JMJD7: variants seen among roughly 807,000 people sequenced by gnomAD.
JMJD7 encodes the protein bifunctional peptidase and (3S)-lysyl hydroxylase JMJD7.
JMJD7 carries 41 observed loss-of-function variants against 41.1 expected under a neutral mutation model. The ratio of observed to expected loss-of-function variants is 1.00; its 90% CI spans 0.78 to 1.30. The LOEUF (loss-of-function observed/expected upper bound fraction) is 1.30, where lower values mean the gene tolerates loss of function less well. Among genes scored for constraint, JMJD7 ranks in the 50% most tolerant of loss-of-function variants. JMJD7 has a pLI of 0.00. For missense variants in JMJD7, 480 were observed against 420.7 expected (o/e 1.14, Z -1.23); for synonymous variants, 202 against 177.2 (o/e 1.14, Z -1.11).
chr15:41,829,239 GTT>G (rs1359705656), intron 1 of JMJD7: 1 of 152,170 alleles, frequency 6.6e-6, no homozygotes, highest in Non-Finnish European at 1.5e-5. Context: ...TGCCTGATGT[GTT>G]TAGGAAACAG....
In JMJD7 at chr15:41,836,460, T is replaced by TC. The variant is rs1333728808; in HGVS notation, c.626-12dup. On this transcript the variant is annotated splice_polypyrimidine_tract_variant and intron_variant, in intron 5 of 7. Coordinates refer to ENST00000397299, the MANE Select transcript of JMJD7 (RefSeq NM_001114632.2). Reference sequence around the variant, plus strand: ...TGTTTGCAATTCCCCCACACCCTTCTCCCTTGGGCTCCAGAGCTGTACACG... The same window carrying TC: ...TGTTTGCAATTCCCCCACACCCTTCTCCCCTTGGGCTCCAGAGCTGTACACG... 1 of 1,570,916 alleles carries TC rather than the reference T, an allele frequency of 6.4e-7. No homozygotes were observed. The highest frequency in any genetic ancestry group is 2.3e-5 in the East Asian group (1 of 43,198).
chr15:41,833,629 A>G (rs1384323988), intron 1 of JMJD7, among the ~76,000 whole-genome samples: 1 of 151,426 alleles, frequency 6.6e-6, no homozygotes, highest in Non-Finnish European at 1.5e-5. Flanking sequence ...CTACGTTGCC[A>G]AGGCTGGTCT....
Position 41,834,853 on chromosome 15 carries a change from C to T in JMJD7, c.178C>T (p.His60Tyr), listed in dbSNP as rs775624945. Reference sequence around the variant, plus strand: ...GTGCATTATCCGCAACGCTCTGCAGCACTGGCCGGCCCTCCAGAAGTGGTC... The same window carrying T: ...GTGCATTATCCGCAACGCTCTGCAGTACTGGCCGGCCCTCCAGAAGTGGTC... ...RPCIIRNALQ[H>Y]WPALQKWSLP... The change falls in exon 2 of 8, where the codon CAC becomes TAC. Residue 60 changes from histidine (H) to tyrosine (Y), a missense_variant. His to Tyr is a moderately conservative substitution (Grantham distance 83). Transcript: ENST00000397299. 1.2e-6 allele frequency: 2 copies of T among 1,614,240 alleles called. No individual in the cohort carries two copies. The highest frequency in any genetic ancestry group is 3.3e-5 in the Admixed American group (2 of 60,034).
In JMJD7 at chr15:41,828,504, C is replaced by G. The variant is rs528627011; in HGVS notation, c.64+316C>G. On this transcript the variant is annotated intron_variant, in intron 1 of 7. Coordinates refer to ENST00000397299, the MANE Select transcript of JMJD7 (RefSeq NM_001114632.2). ...TCATCGAAGGCACACAGCTGGTGGTCGGATTCCTCCCCCACGCGCCCCACC... is the reference window on the plus strand; with the variant it reads ...TCATCGAAGGCACACAGCTGGTGGTGGGATTCCTCCCCCACGCGCCCCACC... 270 of 283,626 alleles carry G rather than the reference C, an allele frequency of 9.5e-4. 2 individuals are homozygous for G. Among genetic ancestry groups the G allele is most frequent in the African/African-American group, 4.6e-3 (213 of 45,912 alleles). 17.6% of individuals were successfully genotyped at this position (283,626 alleles called of 1,614,324 possible).
Position 41,837,560 on chromosome 15 carries a change from G to T in JMJD7, c.*404G>T. ...AGCATGGAGCTGGCACACAGGACAT[G>T]TTGAATAAAAGGTAGCTGTGAGTCG... On this transcript the variant is annotated 3_prime_UTR_variant, in exon 8 of 8. Coordinates refer to ENST00000397299, the MANE Select transcript of JMJD7 (RefSeq NM_001114632.2). The T allele has an allele frequency of 1.1e-5, 2 of 188,516 alleles. No homozygotes were observed. The highest frequency in any genetic ancestry group is 2.2e-5 in the Non-Finnish European group (2 of 92,784). The allele number at this position is 188,516 out of a possible 1,614,324, so 11.7% of individuals were successfully genotyped here.
intron 1 of JMJD7, among the ~76,000 whole-genome samples, chr15:41,829,860 G>C (rs914002445): frequency 2.0e-5 from 3 of 152,248 alleles, no homozygotes; most frequent in Non-Finnish European, 4.4e-5. Context: ...CTTGAGGCCA[G>C]GAGTTCAAGA....
intron 3 of JMJD7, 128 bp from the exon 4 acceptor site, chr15:41,835,460 T>C (rs915556220): frequency 2.3e-5 from 33 of 1,415,860 alleles, no homozygotes; most frequent in Non-Finnish European, 3.1e-5. Flanking sequence ...TCCCAACCTC[T>C]GCCTCTTCTC....
At position 41,835,040 on chromosome 15, in the gene JMJD7, G is replaced by A; in HGVS notation, c.289G>A (p.Asp97Asn). The part of the protein sequence containing the change: ...PDGYADAVRG[D>N]RFMMPAERRL... ...TGGTTACGCGGATGCCGTGAGAGGG[G>A]ATCGCTTCATGATGCCAGCTGAGCG... Residue 97 changes from aspartate (D) to asparagine (N), a missense_variant, in exon 3 of 8, where the codon GAT (aspartate) becomes AAT (asparagine). Transcript: ENST00000397299. The A allele has an allele frequency of 6.2e-7, 1 of 1,614,004 alleles. No homozygotes were observed.
At chr15:41,830,258 T>C (rs1212152657) in intron 1 of JMJD7, among the ~76,000 whole-genome samples, 1 of 152,204 alleles carries the variant, frequency 6.6e-6, no homozygotes, top group Non-Finnish European at 1.5e-5. Flanking sequence ...GGACTTGCAC[T>C]TGTGAGTACA....
intron 3 of JMJD7, 127 bp downstream of exon 3, chr15:41,835,350 A>T (rs1032669808): frequency 2.8e-5 from 39 of 1,388,928 alleles, no homozygotes; most frequent in Non-Finnish European, 3.4e-5. Flanking sequence ...GGTGCAGCTC[A>T]CTAAATACAT....
intron 4 of JMJD7, 132 bp downstream of exon 4, chr15:41,835,776 G>T: frequency 8.7e-7 from 1 of 1,154,648 alleles, no homozygotes. Context: ...TGGCTTCTAG[G>T]ACTCGGGCAC....
chr15:41,836,279 C>T (rs772302204), intron 5 of JMJD7, 36 bp downstream of exon 5: 4 of 1,610,552 alleles, frequency 2.5e-6, no homozygotes, highest in Non-Finnish European at 3.4e-6. Flanking sequence ...GGCTGGGGAA[C>T]AGCTGGCCCA....
intron 1 of JMJD7, among the ~76,000 whole-genome samples, chr15:41,832,208 C>G (rs986782671): frequency 1.3e-5 from 2 of 152,232 alleles, no homozygotes; most frequent in African/African-American, 4.8e-5. Flanking sequence ...TTCGCTCACA[C>G]ACCCCTCGCT....
In JMJD7 at chr15:41,837,263, C is replaced by A; in HGVS notation, c.*107C>A. ...CTGGAGTGTGCATGCTGGCTGCTGG[C>A]CCCGGGTCCAGCATGGCTTGAGATC... On this transcript the variant is annotated 3_prime_UTR_variant, in exon 8 of 8. Coordinates refer to ENST00000397299, the MANE Select transcript of JMJD7 (RefSeq NM_001114632.2). 1 of 733,330 alleles carries A rather than the reference C, an allele frequency of 1.4e-6. No individual in the cohort carries two copies. The highest frequency in any genetic ancestry group is 2.3e-6 in the Non-Finnish European group (1 of 435,004). 45.4% of individuals were successfully genotyped at this position (733,330 alleles called of 1,614,324 possible). A position where few individuals can be genotyped will look rare whatever the true frequency, so the allele number is the denominator to read the frequency against.
chr15:41,835,846 G>A (rs920071752), intron 4 of JMJD7, among the ~76,000 whole-genome samples: 2 of 152,174 alleles, frequency 1.3e-5, no homozygotes, highest in African/African-American at 4.8e-5. Context: ...TTGGGGGCGG[G>A]TGCATTGTTT....
intron 1 of JMJD7, among the ~76,000 whole-genome samples, chr15:41,832,830 A>G (rs1416414721): frequency 6.6e-6 from 1 of 152,232 alleles, no homozygotes; most frequent in Non-Finnish European, 1.5e-5. Context: ...GTAACCACCA[A>G]ATGGGAACCA....
chr15:41,835,718 G>A (rs544037724), intron 4 of JMJD7, 74 bp downstream of exon 4: 267 of 1,541,494 alleles, frequency 1.7e-4, no homozygotes, highest in Non-Finnish European at 2.3e-4. Flanking sequence ...GGCCAGGAGT[G>A]GAGGGATGGC....
Position 41,836,485 on chromosome 15 carries a change from G to A in JMJD7, c.636G>A (p.Thr212=), listed in dbSNP as rs768253262. Residue 212 remains threonine, a synonymous_variant, in exon 6 of 8, where the codon ACG becomes ACA. Coordinates refer to ENST00000397299, the MANE Select transcript of JMJD7 (RefSeq NM_001114632.2). ...DRPFIPYELY[T]PATYQLTEEG... is the part of the protein sequence containing the mutation. Reference sequence around the variant, plus strand: ...TCCCTTGGGCTCCAGAGCTGTACACGCCGGCAACCTACCAGCTAACTGAAG... The same window carrying A: ...TCCCTTGGGCTCCAGAGCTGTACACACCGGCAACCTACCAGCTAACTGAAG... 12 of 1,586,470 alleles carry A rather than the reference G, an allele frequency of 7.6e-6. No homozygotes were observed. Among genetic ancestry groups the A allele is most frequent in the East Asian group, 6.8e-5 (3 of 44,070 alleles).
rs2065336064 is a variant in JMJD7, at chr15:41,837,173, A to G, written c.*17A>G. 5.1e-6 allele frequency: 8 copies of G among 1,576,250 alleles called. No homozygotes were observed. The highest frequency in any genetic ancestry group is 6.1e-6 in the Non-Finnish European group (7 of 1,149,914). ...CTTGACTGATGGAGCACTGGTGAACACCACCAAGCACGCCTCGGGGGACGG... is the reference window on the plus strand; with the variant it reads ...CTTGACTGATGGAGCACTGGTGAACGCCACCAAGCACGCCTCGGGGGACGG... On this transcript the variant is annotated 3_prime_UTR_variant, in exon 8 of 8. Transcript: ENST00000397299.
Sources: gnomAD v4.1 joint callset for allele counts (sites outside exome capture counted in the v4.1 genomes callset) on GRCh38, gnomAD v4.1.1 for gene constraint, MANE v1.5 for transcripts, NCBI Gene and HGNC (gene_info 2026-07-23, HGNC 2026-07-21) for gene names.